The following CCDC171 variants were observed in gnomAD, a reference collection of about 807,000 sequenced individuals.
CCDC171 encodes the protein coiled-coil domain-containing protein 171.
Under a neutral mutation model 168.2 loss-of-function variants are expected in CCDC171, and 177 were observed. The observed-to-expected ratio is 1.05, with a 90% CI of 0.93 to 1.19. The LOEUF is 1.19. Ranked by LOEUF, CCDC171 falls within the 50% of genes most tolerant of loss-of-function variation. The pLI is 0.00. For missense variants in CCDC171, 1,991 were observed against 1,539.0 expected (o/e 1.29, Z -4.91); for synonymous variants, 687 against 540.8 (o/e 1.27, Z -3.75).
the CCDC171 span, among the ~76,000 whole-genome samples, chr9:16,075,813 A>G: frequency 1.3e-5 from 2 of 152,184 alleles, no homozygotes; most frequent in Non-Finnish European, 2.9e-5. Context: ...CACACAGTCA[A>G]TTTAGTGAGT....
chr9:15,678,946 T>G (rs1237791597), intron 10 of CCDC171, 50 bp downstream of exon 10: 14 of 1,361,020 alleles, frequency 1.0e-5, no homozygotes, highest in Non-Finnish European at 1.4e-5. Context: ...TAGGTCATAT[T>G]GGATGTATAG....
At chr9:16,071,366 C>T in the CCDC171 span, among the ~76,000 whole-genome samples, 1 of 152,202 alleles carries the variant, frequency 6.6e-6, no homozygotes, top group Non-Finnish European at 1.5e-5. Context: ...CTCCTCTCCC[C>T]TTGTCCACTG....
chr9:15,642,196 T>C (rs1459001827), intron 7 of CCDC171, among the ~76,000 whole-genome samples: 1 of 151,456 alleles, frequency 6.6e-6, no homozygotes, highest in Non-Finnish European at 1.5e-5. Context: ...TCGTAGTGTA[T>C]AGTACATAAT....
chr9:15,999,209 G>GA (rs1390767054), intron 3 of CCDC171, among the ~76,000 whole-genome samples: 6 of 132,258 alleles, frequency 4.5e-5, no homozygotes, highest in African/African-American at 1.1e-4. Flanking sequence ...AGACCCTTTT[G>GA]AAAAAAAAAG....
chr9:15,721,024 C>T (rs530204130), intron 11 of CCDC171, among the ~76,000 whole-genome samples: 172 of 152,266 alleles, frequency 1.1e-3, no homozygotes, highest in South Asian at 2.7e-3. Flanking sequence ...CTTGGAGCTA[C>T]GTTTGATCAT....
chr9:15,614,120 G>A (rs574161237), intron 6 of CCDC171, among the ~76,000 whole-genome samples: 1 of 152,326 alleles, frequency 6.6e-6, no homozygotes, highest in South Asian at 2.1e-4. Context: ...CTTGCACAGA[G>A]CCTTAAGGTC....
chr9:15,760,846 G>A (rs1172713645), intron 18 of CCDC171, among the ~76,000 whole-genome samples: 1 of 152,068 alleles, frequency 6.6e-6, no homozygotes, highest in African/African-American at 2.4e-5. Context: ...TGGACAGGTG[G>A]CAACCTTCTT....
intron 6 of CCDC171, among the ~76,000 whole-genome samples, chr9:15,621,413 T>C (rs1352206187): frequency 6.6e-6 from 1 of 152,232 alleles, no homozygotes; most frequent in Non-Finnish European, 1.5e-5. Context: ...TATTGCAATA[T>C]ATGCTTTATG....
chr9:15,824,200 A>T (rs951796609), intron 21 of CCDC171, among the ~76,000 whole-genome samples: 2 of 152,076 alleles, frequency 1.3e-5, no homozygotes, highest in Non-Finnish European at 2.9e-5. Context: ...AGACATCCAC[A>T]TACTCAGTAT....
At chr9:15,758,330 C>T (rs1355917017) in intron 18 of CCDC171, among the ~76,000 whole-genome samples, 1 of 152,160 alleles carries the variant, frequency 6.6e-6, no homozygotes, top group Non-Finnish European at 1.5e-5. Context: ...CGTTTCACTG[C>T]CCTGCTGGAT....
chr9:15,848,785 C>T (rs913465451), intron 22 of CCDC171, 108 bp from the exon 23 acceptor site: 1 of 526,510 alleles, frequency 1.9e-6, no homozygotes, highest in South Asian at 3.1e-5. Context: ...AAAAGGAGAA[C>T]AGTGATATCA....
At chr9:15,561,179 G>A (rs779307551) in intron 1 of CCDC171, among the ~76,000 whole-genome samples, 1 of 152,146 alleles carries the variant, frequency 6.6e-6, no homozygotes, top group Admixed American at 6.5e-5. Context: ...ATGGATATTA[G>A]TATTATCTTC....
At chr9:15,787,163 A>C (rs185852789) in intron 21 of CCDC171, among the ~76,000 whole-genome samples, 2 of 152,144 alleles carry the variant, frequency 1.3e-5, no homozygotes, top group Admixed American at 1.3e-4. Context: ...ATGTTTTGCT[A>C]CATGTATGCA....
At chr9:15,607,998 C>T (rs546134045) in intron 6 of CCDC171, among the ~76,000 whole-genome samples, 22 of 152,264 alleles carry the variant, frequency 1.4e-4, no homozygotes, top group African/African-American at 5.1e-4. Flanking sequence ...CTGCATCTGA[C>T]GATGGCCTTC....
intron 3 of CCDC171, among the ~76,000 whole-genome samples, chr9:16,011,720 G>A (rs993685205): frequency 1.3e-5 from 2 of 152,112 alleles, no homozygotes; most frequent in Non-Finnish European, 2.9e-5. Context: ...GTTTAGGGCA[G>A]GATAAAAATG....
the CCDC171 span, among the ~76,000 whole-genome samples, chr9:16,107,128 A>AT: frequency 2.4e-4 from 37 of 152,160 alleles, no homozygotes; most frequent in Non-Finnish European, 4.1e-4. Flanking sequence ...ATTTGCAGAC[A>AT]TTTTTTTCCT....
At chr9:15,860,142 GTT>G (rs34321651) in intron 23 of CCDC171, among the ~76,000 whole-genome samples, 3 of 147,474 alleles carry the variant, frequency 2.0e-5, no homozygotes, top group Non-Finnish European at 4.5e-5. Flanking sequence ...TCCTTTTTGT[GTT>G]TTTTTTTTAG....
At chr9:15,778,049 G>A (rs997959495) in intron 19 of CCDC171, among the ~76,000 whole-genome samples, 1 of 151,834 alleles carries the variant, frequency 6.6e-6, no homozygotes, top group East Asian at 1.9e-4. Flanking sequence ...TGTAATCCCA[G>A]CACTTTGGGA....
chr9:15,779,831 G>C (rs1465227821), intron 20 of CCDC171, among the ~76,000 whole-genome samples: 1 of 152,202 alleles, frequency 6.6e-6, no homozygotes, highest in Non-Finnish European at 1.5e-5. Flanking sequence ...AATACCATTA[G>C]ATCAAGAACA....
Sources: gnomAD v4.1 joint callset for allele counts (sites outside exome capture counted in the v4.1 genomes callset) on GRCh38, gnomAD v4.1.1 for gene constraint, MANE v1.5 for transcripts, NCBI Gene and HGNC (gene_info 2026-07-23, HGNC 2026-07-21) for gene names.